LRRC49: variants seen among roughly 807,000 people sequenced by gnomAD.
LRRC49 encodes leucine rich repeat containing 49.
A neutral mutation model predicts 83.3 loss-of-function variants in LRRC49; 50 were observed. The observed-to-expected ratio is 0.60, with a 90% CI of 0.48 to 0.76. The LOEUF (loss-of-function observed/expected upper bound fraction) is 0.76, where lower values mean the gene tolerates loss of function less well. Ranked by LOEUF, LRRC49 falls within the 30% of genes least tolerant of loss-of-function variation. The probability of loss-of-function intolerance (pLI) is 0.00; values close to 1 mark genes in which losing one functional copy is unlikely to be tolerated. For missense variants in LRRC49, 704 were observed against 809.1 expected, an observed-to-expected ratio of 0.87 and a Z score of 1.58; for synonymous variants, 286 against 283.3, an observed-to-expected ratio of 1.01 and a Z score of -0.10.
At chr15:71,044,402 T>C (rs1280441258) in intron 15 of LRRC49, among the ~76,000 whole-genome samples, 1 of 152,252 alleles carries the variant, frequency 6.6e-6, no homozygotes, top group African/African-American at 2.4e-5. Flanking sequence ...ATTCTTAAAA[T>C]ATGCCTCTGT....
intron 11 of LRRC49, among the ~76,000 whole-genome samples, chr15:70,992,790 CCTACTCGGGGGTGCCTCCCAGTTAGG>C (rs2037934236): frequency 6.6e-6 from 1 of 152,150 alleles, no homozygotes; most frequent in African/African-American, 2.4e-5. Context: ...TCAGTCTGCC[CCTACTCGGGGGTGCCTCCCAGTTAGG>C]CTACTCGGGG....
intron 14 of LRRC49, among the ~76,000 whole-genome samples, chr15:71,026,253 T>C (rs562925977): frequency 2.0e-4 from 31 of 152,308 alleles, no homozygotes; most frequent in African/African-American, 7.5e-4. Flanking sequence ...GAACTCATTC[T>C]TTTTTATGGC....
intron 3 of LRRC49, among the ~76,000 whole-genome samples, chr15:70,898,967 A>C (rs913586401): frequency 6.6e-6 from 1 of 152,082 alleles, no homozygotes; most frequent in African/African-American, 2.4e-5. Context: ...GTTATTTAGA[A>C]GGTCTTGTTG....
At position 70,935,485 on chromosome 15, in the gene LRRC49, AG is replaced by A. The variant is rs368630933; in HGVS notation, c.712-1274del. On this transcript the variant is annotated intron_variant, in intron 7 of 15. Transcript: ENST00000260382. Reference sequence around the variant, plus strand: ...TAAATACAGCATTTTGGGAAAAGCTAGGTTTGTCAATAATTTTAATGCACTT... The same window carrying A: ...TAAATACAGCATTTTGGGAAAAGCTAGTTTGTCAATAATTTTAATGCACTT... 4.7e-3 allele frequency among the ~76,000 whole-genome samples: 713 copies of A among 152,290 alleles called. 2 individuals are homozygous for A. The highest frequency in any genetic ancestry group is 8.2e-3 in the Non-Finnish European group (561 of 68,012).
rs766427080 is a variant in LRRC49, at chr15:70,984,074, C to T, written c.1006-20C>T. 13 of 1,608,416 alleles carry T rather than the reference C, an allele frequency of 8.1e-6. No individual in the cohort carries two copies. In the South Asian group the frequency reaches 1.3e-4, roughly 16 times the overall value. On this transcript the variant is annotated intron_variant, in intron 10 of 15. Transcript: ENST00000260382. Reference sequence around the variant, plus strand: ...AAAAATTGCATTATATAACTTTTGTCACAATTAACTTTTTCATAGGAGAAG... The same window carrying T: ...AAAAATTGCATTATATAACTTTTGTTACAATTAACTTTTTCATAGGAGAAG...
At chr15:70,982,245 C>T (rs2037428711) in intron 10 of LRRC49, among the ~76,000 whole-genome samples, 1 of 152,112 alleles carries the variant, frequency 6.6e-6, no homozygotes, top group South Asian at 2.1e-4. Context: ...TCGCCTACCC[C>T]TGCCAGCCAG....
chr15:70,905,213 T>C (rs758803345), intron 5 of LRRC49, among the ~76,000 whole-genome samples: 6 of 152,222 alleles, frequency 3.9e-5, no homozygotes, highest in Non-Finnish European at 5.9e-5. Flanking sequence ...CTATATGAAC[T>C]TTCCCAGTTC....
intron 11 of LRRC49, among the ~76,000 whole-genome samples, chr15:71,000,537 C>T (rs1166363765): frequency 6.6e-6 from 1 of 152,180 alleles, no homozygotes; most frequent in East Asian, 1.9e-4. Flanking sequence ...CAAGAATAGT[C>T]ATAGCATCAA....
intron 8 of LRRC49, among the ~76,000 whole-genome samples, chr15:70,956,501 CAAA>C (rs777121049): frequency 8.4e-5 from 7 of 83,366 alleles, no homozygotes; most frequent in Admixed American, 1.2e-4. Context: ...AACCCTCTGC[CAAA>C]AAAAAAAAAA....
intron 14 of LRRC49, among the ~76,000 whole-genome samples, chr15:71,018,470 A>G (rs1196372200): frequency 6.6e-6 from 1 of 152,192 alleles, no homozygotes; most frequent in Admixed American, 6.5e-5. Flanking sequence ...AACCTTCATT[A>G]AAGTTTTGGG....
chr15:71,036,480 C>G (rs1480397876), intron 14 of LRRC49, among the ~76,000 whole-genome samples: 3 of 152,062 alleles, frequency 2.0e-5, no homozygotes, highest in African/African-American at 7.2e-5. Flanking sequence ...GTACACAGTT[C>G]ACAGTAAGGT....
intron 15 of LRRC49, among the ~76,000 whole-genome samples, chr15:71,043,458 A>G (rs925766493): frequency 6.6e-6 from 1 of 152,196 alleles, no homozygotes; most frequent in African/African-American, 2.4e-5. Context: ...GAGTATATGA[A>G]AGCATTTGGG....
intron 6 of LRRC49, among the ~76,000 whole-genome samples, chr15:70,914,815 G>A (rs1050022083): frequency 7.2e-5 from 11 of 152,162 alleles, no homozygotes; most frequent in African/African-American, 2.7e-4. Flanking sequence ...TGCTATTTCT[G>A]TGGCTGCTTA....
chr15:71,036,951 C>T (rs537116599), intron 14 of LRRC49, among the ~76,000 whole-genome samples: 19 of 152,036 alleles, frequency 1.2e-4, no homozygotes, highest in South Asian at 4.2e-4. Flanking sequence ...ATGTTTGAGA[C>T]GTATTTTCAT....
chr15:71,049,793 A>G lies in LRRC49; in HGVS notation c.*181A>G. ...AAGAAGGAAGGAAGGAAAGCAGGAG[A>G]AAGGAAGGATTAATTGCCTGTATGT... On this transcript the variant is annotated 3_prime_UTR_variant, in exon 16 of 16. Coordinates refer to ENST00000260382, the MANE Select transcript of LRRC49 (RefSeq NM_017691.5). 1.8e-6 allele frequency: 1 copy of G among 547,846 alleles called. No homozygotes were observed. Among genetic ancestry groups the G allele is most frequent in the South Asian group, 2.5e-5 (1 of 40,114 alleles). The allele number at this position is 547,846 out of a possible 1,614,324, so 33.9% of individuals were successfully genotyped here. A position where few individuals can be genotyped will look rare whatever the true frequency, so the allele number is the denominator to read the frequency against.
chr15:70,887,206 G>T (rs1448520086), intron 2 of LRRC49, among the ~76,000 whole-genome samples: 1 of 151,882 alleles, frequency 6.6e-6, no homozygotes, highest in Non-Finnish European at 1.5e-5. Flanking sequence ...TTTATTAATG[G>T]ATATATGCCA....
At chr15:71,032,574 G>A (rs1356031785) in intron 14 of LRRC49, among the ~76,000 whole-genome samples, 8 of 151,936 alleles carry the variant, frequency 5.3e-5, no homozygotes, top group Non-Finnish European at 8.8e-5. Context: ...AAAACTTCAG[G>A]CCAATATCCC....
chr15:71,003,491 A>G (rs1246727859), intron 11 of LRRC49, among the ~76,000 whole-genome samples: 1 of 152,218 alleles, frequency 6.6e-6, no homozygotes, highest in African/African-American at 2.4e-5. Flanking sequence ...AAACTGGGTC[A>G]GATGACCAGT....
intron 1 of LRRC49, among the ~76,000 whole-genome samples, chr15:70,862,448 C>T (rs1370787490): frequency 3.3e-5 from 5 of 151,552 alleles, no homozygotes; most frequent in African/African-American, 1.2e-4. Context: ...CATGGTGGCA[C>T]GTGCCTGTAG....
Sources: allele counts gnomAD v4.1 joint callset (sites outside exome capture counted in the v4.1 genomes callset), GRCh38; gene constraint gnomAD v4.1.1; transcripts MANE v1.5; gene names NCBI Gene and HGNC (gene_info 2026-07-23, HGNC 2026-07-21).